The following INPP4B variants were observed in gnomAD, a reference collection of about 807,000 sequenced individuals.
INPP4B encodes the protein inositol polyphosphate-4-phosphatase type II B.
In INPP4B, 55 loss-of-function variants were observed where a neutral mutation model predicts 122.5. That is an observed-to-expected ratio of 0.45 (90% CI 0.36 to 0.56). The LOEUF (loss-of-function observed/expected upper bound fraction) is 0.56, where lower values mean the gene tolerates loss of function less well. Ranked by LOEUF, INPP4B falls within the 20% of genes least tolerant of loss-of-function variation. The probability of loss-of-function intolerance (pLI) is 0.00; values close to 1 mark genes in which losing one functional copy is unlikely to be tolerated. For synonymous variants in INPP4B, 403 were observed against 388.7 expected, an observed-to-expected ratio of 1.04 and a Z score of -0.43; for missense variants, 1,000 against 1,097.7, an observed-to-expected ratio of 0.91 and a Z score of 1.26.
intron 2 of INPP4B, among the ~76,000 whole-genome samples, chr4:142,602,215 T>C (rs1310516612): frequency 1.3e-5 from 2 of 152,000 alleles, no homozygotes; most frequent in Non-Finnish European, 2.9e-5. Flanking sequence ...AAATCATGAA[T>C]GAACTCTCAT....
In INPP4B at chr4:142,405,344, CAG is replaced by C. The variant is rs1803069084; in HGVS notation, c.137-22_137-21del. ...TGCATGCTGGCAACGGCAGAGGAGA[CAG>C]AAAGAAAAGAAACTAACACCATATC... On this transcript the variant is annotated intron_variant, in intron 5 of 25. Transcript: ENST00000262992. The C allele has an allele frequency of 3.4e-6, 5 of 1,455,378 alleles. No individual in the cohort carries two copies. Among genetic ancestry groups the C allele is most frequent in the Non-Finnish European group, 4.8e-6 (5 of 1,037,196 alleles). The allele number at this position is 1,455,378 out of a possible 1,614,324, so 90.2% of individuals were successfully genotyped here.
chr4:142,787,582 C>A (rs1366805709), intron 1 of INPP4B, among the ~76,000 whole-genome samples: 18 of 152,048 alleles, frequency 1.2e-4, no homozygotes, highest in Non-Finnish European at 2.9e-5. Flanking sequence ...CATTCATATT[C>A]ATATTACCAA....
In INPP4B at chr4:142,213,592, C is replaced by T. The variant is rs116307664; in HGVS notation, c.837-4566G>A. Among the ~76,000 whole-genome samples the T allele has an allele frequency of 4.8e-3, 728 of 152,238 alleles. 10 individuals carry two copies. The highest frequency in any genetic ancestry group is 0.017 in the African/African-American group (692 of 41,562). Reference sequence around the variant, plus strand: ...TCTGCAGTATTTTATGTCTGATAGGCGTGATTTTGATTGTGCTCACTCCTA... The same window carrying T: ...TCTGCAGTATTTTATGTCTGATAGGTGTGATTTTGATTGTGCTCACTCCTA... On this transcript the variant is annotated intron_variant, in intron 12 of 25. Coordinates refer to ENST00000262992, the MANE Select transcript of INPP4B (RefSeq NM_001101669.3).
chr4:142,451,289 C>T (rs181200923), intron 3 of INPP4B, among the ~76,000 whole-genome samples: 45 of 118,780 alleles, frequency 3.8e-4, no homozygotes, highest in African/African-American at 1.4e-3. Context: ...CTCACTCTGT[C>T]TCCCAGGCTG....
intron 7 of INPP4B, among the ~76,000 whole-genome samples, chr4:142,348,253 G>A (rs1053959893): frequency 1.5e-4 from 23 of 151,992 alleles, no homozygotes; most frequent in African/African-American, 5.3e-4. Context: ...GTCTCCACAA[G>A]CCTCTAAATC....
chr4:142,751,880 C>G (rs1322077519), intron 1 of INPP4B, among the ~76,000 whole-genome samples: 1 of 152,124 alleles, frequency 6.6e-6, no homozygotes, highest in African/African-American at 2.4e-5. Flanking sequence ...GCCTGATGCA[C>G]TGTCCAAAAG....
At chr4:142,723,817 T>A (rs2150852020) in intron 2 of INPP4B, among the ~76,000 whole-genome samples, 1 of 152,262 alleles carries the variant, frequency 6.6e-6, no homozygotes, top group South Asian at 2.1e-4. Context: ...ATAGGCAGAA[T>A]GTTAATATGT....
At chr4:142,437,153 A>C (rs1432212623) in intron 3 of INPP4B, among the ~76,000 whole-genome samples, 1 of 152,046 alleles carries the variant, frequency 6.6e-6, no homozygotes, top group African/African-American at 2.4e-5. Flanking sequence ...AGCAGAAGAA[A>C]TAATTTCAGA....
At chr4:142,646,197 T>A (rs2150510663) in intron 2 of INPP4B, among the ~76,000 whole-genome samples, 1 of 152,314 alleles carries the variant, frequency 6.6e-6, no homozygotes, top group Admixed American at 6.5e-5. Context: ...TTATTGTATG[T>A]AAATTATATC....
At chr4:142,584,476 T>A (rs1472577800) in intron 2 of INPP4B, among the ~76,000 whole-genome samples, 1 of 152,180 alleles carries the variant, frequency 6.6e-6, no homozygotes, top group African/African-American at 2.4e-5. Context: ...TCTCAGACTT[T>A]TCCAGTTTTC....
chr4:142,316,496 A>G (rs1204006675), intron 7 of INPP4B, among the ~76,000 whole-genome samples: 1 of 151,692 alleles, frequency 6.6e-6, no homozygotes, highest in African/African-American at 2.4e-5. Flanking sequence ...TTGTTATACT[A>G]CATATATACA....
chr4:142,481,388 C>G (rs1361083227), intron 2 of INPP4B, among the ~76,000 whole-genome samples: 5 of 151,998 alleles, frequency 3.3e-5, no homozygotes, highest in African/African-American at 1.2e-4. Flanking sequence ...CTATTACAAA[C>G]CCCTACAACC....
At chr4:142,459,964 G>A (rs1296921440) in intron 3 of INPP4B, among the ~76,000 whole-genome samples, 1 of 152,188 alleles carries the variant, frequency 6.6e-6, no homozygotes, top group Non-Finnish European at 1.5e-5. Flanking sequence ...GTCTTTGCCT[G>A]CAGTGTACAG....
At chr4:142,052,964 TA>T (rs1755486961) in intron 25 of INPP4B, among the ~76,000 whole-genome samples, 2 of 152,026 alleles carry the variant, frequency 1.3e-5, no homozygotes, top group Non-Finnish European at 1.5e-5. Context: ...GCTCAAAGAC[TA>T]AAGGGGGAAA....
chr4:142,226,132 T>C (rs1851455437), intron 12 of INPP4B, among the ~76,000 whole-genome samples: 1 of 152,226 alleles, frequency 6.6e-6, no homozygotes, highest in African/African-American at 2.4e-5. Context: ...GTAAAAGTTT[T>C]ACTGGTGGTA....
At chr4:142,327,256 C>T (rs1005157259) in intron 7 of INPP4B, among the ~76,000 whole-genome samples, 1 of 152,062 alleles carries the variant, frequency 6.6e-6, no homozygotes, top group Non-Finnish European at 1.5e-5. Flanking sequence ...AGTCATTAGT[C>T]CCAACAATAT....
At chr4:142,718,677 T>C (rs1580767523) in intron 2 of INPP4B, among the ~76,000 whole-genome samples, 4 of 152,202 alleles carry the variant, frequency 2.6e-5, no homozygotes, top group South Asian at 4.1e-4. Context: ...GATGTTCATA[T>C]TGATGTTCAT....
chr4:142,397,039 A>G (rs1250428114), intron 7 of INPP4B, among the ~76,000 whole-genome samples: 9 of 152,232 alleles, frequency 5.9e-5, no homozygotes, highest in Admixed American at 5.9e-4. Context: ...AACTCATGGA[A>G]CAGAACAGTT....
intron 23 of INPP4B, among the ~76,000 whole-genome samples, chr4:142,102,605 C>A (rs1785040293): frequency 6.6e-6 from 1 of 151,740 alleles, no homozygotes; most frequent in South Asian, 2.1e-4. Context: ...TTGTATCAGT[C>A]TTCAAGAGTT....
Sources: gnomAD v4.1 joint callset for allele counts (sites outside exome capture counted in the v4.1 genomes callset) on GRCh38, gnomAD v4.1.1 for gene constraint, MANE v1.5 for transcripts, NCBI Gene and HGNC (gene_info 2026-07-23, HGNC 2026-07-21) for gene names.